The following POF1B variants were observed in gnomAD, a reference collection of about 807,000 sequenced individuals.
POF1B encodes the protein protein POF1B.
POF1B carries 53 observed loss-of-function variants against 55.3 expected under a neutral mutation model. The observed-to-expected ratio is 0.96, with a 90% CI of 0.77 to 1.20. The LOEUF is 1.20. Among genes scored for constraint, POF1B ranks in the 50% most tolerant of loss-of-function variants. The probability of loss-of-function intolerance (pLI) is 0.00; values close to 1 mark genes in which losing one functional copy is unlikely to be tolerated. For synonymous variants in POF1B, 188 were observed against 148.3 expected (o/e 1.27, Z -1.95); for missense variants, 478 against 420.5 (o/e 1.14, Z -1.20).
chrX:85,340,078 G>C (rs1245671425), intron 6 of POF1B, among the ~76,000 whole-genome samples: 1 of 111,257 alleles, frequency 9.0e-6, no homozygotes, highest in Non-Finnish European at 1.9e-5. Flanking sequence ...GACATCAGCA[G>C]TGAGACTTGG....
rs1329235515 is a variant in POF1B, at chrX:85,350,183, G to A, written c.540+1167C>T. 2.4e-4 allele frequency among the ~76,000 whole-genome samples: 17 copies of A among 72,169 alleles called. No homozygotes were observed. In the South Asian group the frequency reaches 2.5e-3, roughly 11 times the overall value. The allele number at this position is 72,169 out of a possible 115,157, so 62.7% of individuals were successfully genotyped here. ...TATCTCCTAAAGCTATCCCTCCCCC[G>A]TCCCCCCACCCCACAACAGTCCCCA... On this transcript the variant is annotated intron_variant, in intron 5 of 16. Transcript: ENST00000262753.
chrX:85,299,351 C>T (rs868589556), intron 15 of POF1B, among the ~76,000 whole-genome samples: 23 of 102,668 alleles, frequency 2.2e-4, no homozygotes, highest in East Asian at 9.3e-4. Flanking sequence ...TGCAGTGGCT[C>T]GATCTCGGCT....
chrX:85,370,375 T>C (rs1933798167), intron 2 of POF1B, among the ~76,000 whole-genome samples: 1 of 111,825 alleles, frequency 8.9e-6, no homozygotes, highest in Non-Finnish European at 1.9e-5. Flanking sequence ...ATTATTAAAA[T>C]TGATCATCTA....
chrX:85,302,212 A>G (rs1053653141), intron 15 of POF1B, among the ~76,000 whole-genome samples: 3 of 111,480 alleles, frequency 2.7e-5, no homozygotes, highest in African/African-American at 9.7e-5. Context: ...CTGATAAGGG[A>G]CTTGTGAACA....
At chrX:85,339,604 A>G (rs1224499325) in intron 6 of POF1B, among the ~76,000 whole-genome samples, 1 of 111,753 alleles carries the variant, frequency 8.9e-6, no homozygotes, top group African/African-American at 3.2e-5. Context: ...AAGCAGTTTC[A>G]GGAACATAGT....
chrX:85,314,620 C>T (rs1235576750), intron 8 of POF1B, 114 bp from the exon 9 acceptor site: 22 of 421,930 alleles, frequency 5.2e-5, no homozygotes, highest in Non-Finnish European at 7.7e-5. Flanking sequence ...GACTAATTCA[C>T]TTTTTGAGAA....
At chrX:85,305,662 A>G (rs1419445073) in intron 13 of POF1B, 129 bp downstream of exon 13, 1 of 664,983 alleles carries the variant, frequency 1.5e-6, no homozygotes, top group East Asian at 3.5e-5. Flanking sequence ...AAACAAATGA[A>G]TACATGACAT....
intron 15 of POF1B, among the ~76,000 whole-genome samples, chrX:85,287,242 TAGG>T (rs1008472411): frequency 2.1e-4 from 23 of 109,678 alleles, no homozygotes; most frequent in African/African-American, 6.6e-4. Context: ...AAAACAAAAA[TAGG>T]AGAAGAAATT....
intron 9 of POF1B, among the ~76,000 whole-genome samples, chrX:85,311,926 A>G (rs1252983206): frequency 1.8e-5 from 2 of 112,300 alleles, no homozygotes; most frequent in African/African-American, 6.5e-5. Context: ...TCTAATGACC[A>G]GTGATGATGA....
chrX:85,321,209 C>A (rs1254332968), intron 7 of POF1B, among the ~76,000 whole-genome samples: 25 of 111,450 alleles, frequency 2.2e-4, no homozygotes, highest in African/African-American at 6.9e-4. Context: ...TACTGGCAAA[C>A]CGAATCCAGC....
chrX:85,370,689 T>A (rs949440010), intron 2 of POF1B, among the ~76,000 whole-genome samples: 1 of 111,732 alleles, frequency 8.9e-6, no homozygotes, highest in East Asian at 2.8e-4. Context: ...AAAACCTTGA[T>A]GTTGAAAGGT....
rs772899957 is a variant in POF1B at position 85,279,404 on chromosome X, C to G, written c.*17G>C. The G allele has an allele frequency of 2.2e-5, 26 of 1,180,383 alleles. No individual in the cohort carries two copies. Among genetic ancestry groups the G allele is most frequent in the Non-Finnish European group, 3.0e-5 (26 of 873,000 alleles). On this transcript the variant is annotated 3_prime_UTR_variant, in exon 17 of 17. Coordinates refer to ENST00000262753, the MANE Select transcript of POF1B (RefSeq NM_024921.4). ...AAAAAAACGGCTTTGAGTTGTAATA[C>G]TTTAAAGTGGATCCATTCATGGCTA...
chrX:85,299,657 A>C (rs1163049640), intron 15 of POF1B, among the ~76,000 whole-genome samples: 3 of 96,059 alleles, frequency 3.1e-5, no homozygotes, highest in Non-Finnish European at 4.1e-5. Flanking sequence ...GGTGCCCGCC[A>C]CCACGCCTGG....
At chrX:85,289,605 G>T (rs1273065369) in intron 15 of POF1B, among the ~76,000 whole-genome samples, 2 of 111,406 alleles carry the variant, frequency 1.8e-5, no homozygotes, top group Non-Finnish European at 3.8e-5. Flanking sequence ...ATTCAAGCCC[G>T]GGGGCATCCC....
At chrX:85,375,679 C>T (rs1034417088) in intron 2 of POF1B, among the ~76,000 whole-genome samples, 6 of 111,309 alleles carry the variant, frequency 5.4e-5, no homozygotes, top group Non-Finnish European at 1.1e-4. Context: ...CCCCACAGAA[C>T]GGGAAACTTT....
intron 7 of POF1B, among the ~76,000 whole-genome samples, chrX:85,317,869 C>A (rs1569286174): frequency 8.9e-6 from 1 of 111,803 alleles, no homozygotes; most frequent in East Asian, 2.8e-4. Context: ...TATATATACA[C>A]CATGGAATAC....
In POF1B at chrX:85,379,265, G is replaced by A. The variant is rs746528689; in HGVS notation, c.190C>T (p.Gln64Ter). ...CGTGAGTTGAAGGGGTCCAAGGCCTGCACCACCTTGTTCATGGGCCCACTG... is the reference window on the plus strand; with the variant it reads ...CGTGAGTTGAAGGGGTCCAAGGCCTACACCACCTTGTTCATGGGCCCACTG... ...TYSGPMNKVV[Q>*]ALDPFNSREV... The change falls in exon 2 of 17, where the codon CAG becomes TAG. Residue 64 changes from glutamine (Q) to a stop codon, truncating the protein, a stop_gained. Coordinates refer to ENST00000262753, the MANE Select transcript of POF1B (RefSeq NM_024921.4). LOFTEE classifies it high-confidence loss of function. The A allele has an allele frequency of 4.1e-6, 5 of 1,208,145 alleles. No individual in the cohort carries two copies. The African/African-American group carries it at 5.3e-5, about 13-fold the overall frequency.
At chrX:85,299,320 G>T (rs1172432843) in intron 15 of POF1B, among the ~76,000 whole-genome samples, 2 of 95,027 alleles carry the variant, frequency 2.1e-5, no homozygotes, top group African/African-American at 3.9e-5. Context: ...ACGGAGTCTC[G>T]CTCTGTCGCC....
chrX:85,370,909 A>G (rs920516130), intron 2 of POF1B, among the ~76,000 whole-genome samples: 1 of 112,329 alleles, frequency 8.9e-6, no homozygotes, highest in Admixed American at 9.5e-5. Flanking sequence ...TCATCTGTGT[A>G]TAGCTTACCT....
Sources: gnomAD v4.1 joint callset for allele counts (sites outside exome capture counted in the v4.1 genomes callset) on GRCh38, gnomAD v4.1.1 for gene constraint, MANE v1.5 for transcripts, NCBI Gene and HGNC (gene_info 2026-07-23, HGNC 2026-07-21) for gene names.